KHDRBS2: variants seen among roughly 807,000 people sequenced by gnomAD.
The protein encoded by KHDRBS2 is KH domain-containing, RNA-binding, signal transduction-associated protein 2.
A neutral mutation model predicts 44.3 loss-of-function variants in KHDRBS2; 26 were observed. The observed-to-expected ratio is 0.59, with a 90% CI of 0.43 to 0.81. The LOEUF is 0.81. Among genes scored for constraint, KHDRBS2 ranks in the 40% least tolerant of loss-of-function variants. The pLI is 0.00. For synonymous variants in KHDRBS2, 194 were observed against 151.1 expected (o/e 1.28, Z -2.08); for missense variants, 476 against 433.1 (o/e 1.10, Z -0.88).
chr6:61,681,537 A>G (rs1318831252), intron 8 of KHDRBS2, among the ~76,000 whole-genome samples: 10 of 151,896 alleles, frequency 6.6e-5, no homozygotes, highest in African/African-American at 2.4e-4. Flanking sequence ...TGATAGTTAT[A>G]TGGTCCAGGG....
intron 6 of KHDRBS2, among the ~76,000 whole-genome samples, chr6:61,876,084 T>G (rs1428464388): frequency 6.6e-6 from 1 of 152,124 alleles, no homozygotes; most frequent in African/African-American, 2.4e-5. Flanking sequence ...ATGACCAACT[T>G]AAAAGATTAG....
chr6:62,017,553 A>G (rs1220596185), intron 3 of KHDRBS2, among the ~76,000 whole-genome samples: 1 of 152,140 alleles, frequency 6.6e-6, no homozygotes, highest in East Asian at 1.9e-4. Flanking sequence ...AACTCTTAAA[A>G]AATGTTGTAT....
intron 3 of KHDRBS2, among the ~76,000 whole-genome samples, chr6:61,985,163 T>C (rs549711256): frequency 6.6e-6 from 1 of 152,302 alleles, no homozygotes; most frequent in African/African-American, 2.4e-5. Context: ...GCTTACTCTT[T>C]TTTGCCCTGA....
In KHDRBS2 at chr6:61,807,439, G is replaced by C. The variant is rs528562902; in HGVS notation, c.811-74675C>G. On this transcript the variant is annotated intron_variant, in intron 6 of 8. Coordinates refer to ENST00000281156, the MANE Select transcript of KHDRBS2 (RefSeq NM_152688.4). Reference sequence around the variant, plus strand: ...TCAACCTAAATGTCCATTAATGGTGGACTGGATAAGAAAATGTGGTACATA... The same window carrying C: ...TCAACCTAAATGTCCATTAATGGTGCACTGGATAAGAAAATGTGGTACATA... 1.3e-3 allele frequency among the ~76,000 whole-genome samples: 200 copies of C among 152,212 alleles called. 1 individual carries two copies. Among genetic ancestry groups the C allele is most frequent in the African/African-American group, 4.4e-3 (183 of 41,538 alleles).
At chr6:61,972,773 T>C (rs1162169869) in intron 4 of KHDRBS2, among the ~76,000 whole-genome samples, 3 of 152,304 alleles carry the variant, frequency 2.0e-5, no homozygotes, top group South Asian at 2.1e-4. Context: ...ACCTTTTAGG[T>C]CTTGCCATTT....
At chr6:61,984,838 T>G (rs1165696601) in intron 3 of KHDRBS2, among the ~76,000 whole-genome samples, 2 of 152,202 alleles carry the variant, frequency 1.3e-5, no homozygotes, top group Non-Finnish European at 2.9e-5. Context: ...CAACATTAAA[T>G]ATGCATATTC....
At chr6:61,774,882 A>G (rs1352794798) in intron 6 of KHDRBS2, among the ~76,000 whole-genome samples, 2 of 152,170 alleles carry the variant, frequency 1.3e-5, no homozygotes, top group Non-Finnish European at 2.9e-5. Flanking sequence ...CATCAATGCA[A>G]AAATCCTCAA....
At chr6:62,055,990 T>C (rs1032671724) in intron 2 of KHDRBS2, among the ~76,000 whole-genome samples, 2 of 152,010 alleles carry the variant, frequency 1.3e-5, no homozygotes, top group African/African-American at 4.8e-5. Flanking sequence ...CATGACAGGC[T>C]TCATAGAATA....
rs373022203 is a variant in KHDRBS2, at chr6:61,781,689, C to A, written c.811-48925G>T. 2.4e-4 allele frequency among the ~76,000 whole-genome samples: 36 copies of A among 152,114 alleles called. No homozygotes were observed. In the East Asian group the frequency reaches 2.5e-3, roughly 11 times the overall value. On this transcript the variant is annotated intron_variant, in intron 6 of 8. Transcript: ENST00000281156. ...GGTCAAGTCAGGGCTTTTAGGATAT[C>A]CATCACCCAAATAGAATAATGTACA...
At chr6:62,107,747 T>C (rs1440792231) in intron 2 of KHDRBS2, among the ~76,000 whole-genome samples, 3 of 152,066 alleles carry the variant, frequency 2.0e-5, no homozygotes, top group Admixed American at 6.6e-5. Flanking sequence ...AAAACAGAGA[T>C]ATAAATCAAG....
intron 6 of KHDRBS2, among the ~76,000 whole-genome samples, chr6:61,853,364 T>G (rs1019932301): frequency 6.6e-6 from 1 of 152,218 alleles, no homozygotes; most frequent in African/African-American, 2.4e-5. Flanking sequence ...ATTGAAATTT[T>G]TATTAAGCCT....
At chr6:61,789,763 T>C (rs1299500414) in intron 6 of KHDRBS2, among the ~76,000 whole-genome samples, 1 of 151,414 alleles carries the variant, frequency 6.6e-6, no homozygotes, top group East Asian at 1.9e-4. Context: ...GGTTAGTAAA[T>C]AAAATAACTT....
intron 6 of KHDRBS2, among the ~76,000 whole-genome samples, chr6:61,768,653 T>C (rs1780361158): frequency 3.3e-5 from 5 of 152,044 alleles, no homozygotes; most frequent in Admixed American, 2.6e-4. Context: ...GAGACTCTGA[T>C]GCATTTTTCA....
chr6:62,055,480 T>G (rs1378495973), intron 2 of KHDRBS2, among the ~76,000 whole-genome samples: 1 of 152,028 alleles, frequency 6.6e-6, no homozygotes, highest in Non-Finnish European at 1.5e-5. Flanking sequence ...TACGCACCTG[T>G]GGGAGTGTAA....
chr6:61,686,554 A>T (rs1766831501), intron 8 of KHDRBS2, among the ~76,000 whole-genome samples: 1 of 151,736 alleles, frequency 6.6e-6, no homozygotes, highest in Non-Finnish European at 1.5e-5. Flanking sequence ...TAATGTTTAA[A>T]CACCTATCAT....
chr6:62,001,911 G>T (rs562277782), intron 3 of KHDRBS2, among the ~76,000 whole-genome samples: 1 of 152,160 alleles, frequency 6.6e-6, no homozygotes, highest in African/African-American at 2.4e-5. Context: ...GGCTTTTACT[G>T]AAAGAAGGTT....
intron 7 of KHDRBS2, among the ~76,000 whole-genome samples, chr6:61,723,143 G>A (rs1177597650): frequency 7.2e-6 from 1 of 139,758 alleles, no homozygotes; most frequent in Non-Finnish European, 1.5e-5. Flanking sequence ...ATAGACAAGT[G>A]GCCTGACCAT....
chr6:62,065,547 A>T (rs1169564681), intron 2 of KHDRBS2, among the ~76,000 whole-genome samples: 1 of 147,292 alleles, frequency 6.8e-6, no homozygotes, highest in Non-Finnish European at 1.5e-5. Flanking sequence ...AAAACCAAAC[A>T]CCGCATATTC....
chr6:62,216,087 C>T (rs1380263844), intron 1 of KHDRBS2, among the ~76,000 whole-genome samples: 1 of 151,722 alleles, frequency 6.6e-6, no homozygotes, highest in Non-Finnish European at 1.5e-5. Flanking sequence ...CTTAACCCAA[C>T]TAGATTCAAC....
Sources: allele counts gnomAD v4.1 joint callset (sites outside exome capture counted in the v4.1 genomes callset), GRCh38; gene constraint gnomAD v4.1.1; transcripts MANE v1.5; gene names NCBI Gene and HGNC (gene_info 2026-07-23, HGNC 2026-07-21).